ERICH3: variants seen among roughly 807,000 people sequenced by gnomAD.
ERICH3 encodes the protein glutamate-rich protein 3.
A neutral mutation model predicts 131.1 loss-of-function variants in ERICH3; 126 were observed. That is an observed-to-expected ratio of 0.96 (90% CI 0.83 to 1.11). The LOEUF is 1.11. Among genes scored for constraint, ERICH3 ranks in the 50% most tolerant of loss-of-function variants. The pLI is 0.00. For missense variants in ERICH3, 2,050 were observed against 1,810.7 expected (o/e 1.13, Z -2.40); for synonymous variants, 695 against 644.6 (o/e 1.08, Z -1.18).
chr1:74,588,739 A>C (rs1396274769), intron 12 of ERICH3, among the ~76,000 whole-genome samples: 5 of 152,080 alleles, frequency 3.3e-5, no homozygotes, highest in African/African-American at 1.2e-4. Flanking sequence ...CCAGCTCTCC[A>C]CAGGACACCC....
intron 13 of ERICH3, among the ~76,000 whole-genome samples, chr1:74,573,993 C>CTT (rs59687548): frequency 2.2e-5 from 3 of 135,864 alleles, no homozygotes; most frequent in East Asian, 2.2e-4. Flanking sequence ...CTTTTTCTCT[C>CTT]TTTTTTTTTT....
intron 10 of ERICH3, among the ~76,000 whole-genome samples, chr1:74,605,608 G>T (rs953286653): frequency 1.3e-5 from 2 of 151,608 alleles, no homozygotes; most frequent in Admixed American, 6.6e-5. Context: ...ACTGTTGTGG[G>T]TTAGGGAACA....
At chr1:74,610,969 C>T (rs1290002196) in intron 9 of ERICH3, among the ~76,000 whole-genome samples, 1 of 152,162 alleles carries the variant, frequency 6.6e-6, no homozygotes, top group Non-Finnish European at 1.5e-5. Context: ...CACTGCCTTT[C>T]CTTCTTAGGC....
chr1:74,644,279 A>T (rs1302015116), intron 3 of ERICH3, among the ~76,000 whole-genome samples: 1 of 151,902 alleles, frequency 6.6e-6, no homozygotes, highest in East Asian at 1.9e-4. Context: ...TCAATTCACT[A>T]TCAACCTTTT....
chr1:74,574,912 T>C (rs1647023258), intron 13 of ERICH3, among the ~76,000 whole-genome samples: 1 of 152,202 alleles, frequency 6.6e-6, no homozygotes, highest in Admixed American at 6.5e-5. Context: ...ATCAATTTAA[T>C]CTTTTTTATT....
chr1:74,598,538 G>A (rs1647963771), intron 11 of ERICH3, among the ~76,000 whole-genome samples: 1 of 151,760 alleles, frequency 6.6e-6, no homozygotes, highest in Non-Finnish European at 1.5e-5. Flanking sequence ...AAGCATGACA[G>A]CATGTGATAA....
intron 9 of ERICH3, among the ~76,000 whole-genome samples, chr1:74,610,247 T>A (rs1203744989): frequency 6.6e-6 from 1 of 151,692 alleles, no homozygotes; most frequent in African/African-American, 2.4e-5. Flanking sequence ...TTTTACACTC[T>A]TATCTCTCTG....
At chr1:74,659,321 C>A (rs1360749647) in intron 1 of ERICH3, among the ~76,000 whole-genome samples, 1 of 90,574 alleles carries the variant, frequency 1.1e-5, no homozygotes, top group African/African-American at 4.7e-5. Context: ...GTTGCACAGG[C>A]GCATGTGTGT....
At position 74,606,977 on chromosome 1, in the gene ERICH3, C is replaced by T. The variant is rs552176129; in HGVS notation, c.1188-75G>A. 54 of 1,334,668 alleles carry T rather than the reference C, an allele frequency of 4.0e-5. No individual in the cohort carries two copies. In the African/African-American group the frequency reaches 6.3e-4, roughly 16 times the overall value. 82.7% of individuals were successfully genotyped at this position (1,334,668 alleles called of 1,614,324 possible). On this transcript the variant is annotated intron_variant, in intron 9 of 14. Transcript: ENST00000326665. The stretch of plus-strand genomic sequence containing the variant: ...AATGGAACCTCAAAGCTTTTGAAAG[C>T]ACTTATCTCTTATTCCAGTAAAAAA...
intron 1 of ERICH3, among the ~76,000 whole-genome samples, chr1:74,665,693 C>A (rs1376606499): frequency 6.6e-6 from 1 of 152,116 alleles, no homozygotes; most frequent in Non-Finnish European, 1.5e-5. Context: ...GTGAGCATGT[C>A]TTTGTCCTAA....
At position 74,571,508 on chromosome 1, in the gene ERICH3, C is replaced by T; in HGVS notation, c.4202G>A (p.Gly1401Glu). Reference sequence around the variant, plus strand: ...TGCTAATTCCTCTACCACCACCTTCCCTGCAGCTGCTGTTTTTCCTACTAA... The same window carrying T: ...TGCTAATTCCTCTACCACCACCTTCTCTGCAGCTGCTGTTTTTCCTACTAA... ...DELVGKTAAA[G>E]KVVVEELARS... Residue 1401 changes from glycine (G) to glutamate (E), a missense_variant, in exon 14 of 15, where the codon GGG (glycine) becomes GAG (glutamate). By Grantham distance (98) the Gly-to-Glu change is moderately conservative. Transcript: ENST00000326665. The T allele has an allele frequency of 6.2e-7, 1 of 1,614,170 alleles. No individual in the cohort carries two copies. The highest frequency in any genetic ancestry group is 8.5e-7 in the Non-Finnish European group (1 of 1,180,016).
At chr1:74,600,637 A>T (rs1424905342) in intron 10 of ERICH3, among the ~76,000 whole-genome samples, 3 of 151,892 alleles carry the variant, frequency 2.0e-5, no homozygotes, top group African/African-American at 7.2e-5. Flanking sequence ...ATAAATCTGT[A>T]GCAGGAAAAG....
chr1:74,655,010 A>G (rs1646571519), intron 1 of ERICH3, among the ~76,000 whole-genome samples: 1 of 152,160 alleles, frequency 6.6e-6, no homozygotes, highest in Non-Finnish European at 1.5e-5. Context: ...AACCTTTTAA[A>G]TAAAAATTCT....
chr1:74,638,003 A>T (rs1646407080), intron 5 of ERICH3, among the ~76,000 whole-genome samples: 1 of 152,206 alleles, frequency 6.6e-6, no homozygotes, highest in South Asian at 2.1e-4. Flanking sequence ...TAGAAAGTCT[A>T]TCAAGAATTG....
Position 74,643,043 on chromosome 1 carries a change from C to T in ERICH3, c.299G>A (p.Arg100Gln), listed in dbSNP as rs148337951. 2.7e-3 allele frequency: 4,393 copies of T among 1,609,684 alleles called. 7 individuals are homozygous for T. Among genetic ancestry groups the T allele is most frequent in the Admixed American group, 3.9e-3 (235 of 59,816 alleles). The change falls in exon 4 of 15, where the codon CGA (arginine) becomes CAA (glutamine). Residue 100 changes from arginine (R) to glutamine (Q), a missense_variant. Coordinates refer to ENST00000326665, the MANE Select transcript of ERICH3 (RefSeq NM_001002912.5). ...KKLETLARKERIQRFKGEHTR... is the reference protein window; with the variant it reads ...KKLETLARKEQIQRFKGEHTR... ...ACTCCTTACCTTAAACCTCTGGATT[C>T]GCTCCTTCCTAGCTAAGGTCTCCAA...
In ERICH3 at chr1:74,571,206, C is replaced by G. The variant is rs1646936778; in HGVS notation, c.4504G>C (p.Asp1502His). ...TGCTTCTCTCGGGTTTCAGTGAAAT[C>G]AGGCTTCACTGGAAGTGTTGCCATC... The part of the protein sequence containing the change: ...QAMATLPVKP[D>H]FTETREKQQH... The change falls in exon 14 of 15, where the codon GAT becomes CAT. Residue 1502 changes from aspartate (D) to histidine (H), a missense_variant. By Grantham distance (81) the Asp-to-His change is moderately conservative. Transcript: ENST00000326665. 3 of 1,614,012 alleles carry G rather than the reference C, an allele frequency of 1.9e-6. 1 individual carries two copies. In the South Asian group the frequency reaches 3.3e-5, roughly 18 times the overall value.
intron 1 of ERICH3, among the ~76,000 whole-genome samples, chr1:74,669,496 C>T (rs967350070): frequency 6.6e-6 from 1 of 152,168 alleles, no homozygotes; most frequent in Non-Finnish European, 1.5e-5. Flanking sequence ...CATTCCACCT[C>T]TAGAACTCAT....
chr1:74,651,049 A>C (rs1490447623), intron 1 of ERICH3, among the ~76,000 whole-genome samples: 2 of 152,084 alleles, frequency 1.3e-5, no homozygotes, highest in Admixed American at 1.3e-4. Context: ...CTGGCAACAA[A>C]GTTTTATAAT....
At chr1:74,637,234 C>T (rs1646397470) in intron 5 of ERICH3, among the ~76,000 whole-genome samples, 1 of 152,018 alleles carries the variant, frequency 6.6e-6, no homozygotes, top group Admixed American at 6.6e-5. Flanking sequence ...CTTGACTCAC[C>T]CTGCAGGGTC....
Sources: gnomAD v4.1 joint callset for allele counts (sites outside exome capture counted in the v4.1 genomes callset) on GRCh38, gnomAD v4.1.1 for gene constraint, MANE v1.5 for transcripts, NCBI Gene and HGNC (gene_info 2026-07-23, HGNC 2026-07-21) for gene names.